PCGF5: variants seen among roughly 807,000 people sequenced by gnomAD.
PCGF5 encodes polycomb group RING finger protein 5.
A neutral mutation model predicts 44.3 loss-of-function variants in PCGF5; 9 were observed. That is an observed-to-expected ratio of 0.20 (90% CI 0.12 to 0.35). The LOEUF is 0.35. PCGF5 is among the 10% of genes least tolerant of loss of function. The pLI is 1.00. For synonymous variants in PCGF5, 95 were observed against 102.5 expected (o/e 0.93, Z 0.44); for missense variants, 146 against 305.3 (o/e 0.48, Z 3.89).
chr10:91,158,649 G>A (rs374324937), upstream of PCGF5, among the ~76,000 whole-genome samples: 2 of 152,194 alleles, frequency 1.3e-5, no homozygotes, highest in East Asian at 1.9e-4. Flanking sequence ...TGGGACCAGC[G>A]ACTAGGTAAA....
chr10:91,200,300 C>T (rs1350197521), intron 1 of PCGF5, among the ~76,000 whole-genome samples: 1 of 152,218 alleles, frequency 6.6e-6, no homozygotes, highest in Non-Finnish European at 1.5e-5. Flanking sequence ...AACCAGAACT[C>T]TGGTATCCTG....
chr10:91,271,012 T>G (rs558707278), intron 8 of PCGF5, among the ~76,000 whole-genome samples: 1 of 151,082 alleles, frequency 6.6e-6, no homozygotes, highest in Admixed American at 6.6e-5. Context: ...CACTCATTGC[T>G]TTACTCATAA....
Position 91,248,515 on chromosome 10 carries a change from A to G in PCGF5, c.220A>G (p.Thr74Ala). Residue 74 changes from threonine (T) to alanine (A), a missense_variant, in exon 4 of 10, where the codon ACA becomes GCA. Transcript: ENST00000336126. The stretch of plus-strand genomic sequence containing the variant: ...TCCCCCCTTTCGAAGGTTGGACAAT[A>G]CATTAGAGGAAATTATATTTAAGCT... ...NPLEMLRLDN[T>A]LEEIIFKLVP... The G allele has an allele frequency of 6.2e-7, 1 of 1,612,784 alleles. No individual in the cohort carries two copies. Among genetic ancestry groups the G allele is most frequent in the Non-Finnish European group, 8.5e-7 (1 of 1,179,032 alleles).
intron 2 of PCGF5, among the ~76,000 whole-genome samples, chr10:91,232,274 G>C (rs1206123228): frequency 6.6e-6 from 1 of 152,148 alleles, no homozygotes; most frequent in East Asian, 1.9e-4. Context: ...AGGAGCAAAA[G>C]TCTGGATAAT....
At chr10:91,233,054 G>A (rs1398573909) in intron 2 of PCGF5, among the ~76,000 whole-genome samples, 3 of 152,166 alleles carry the variant, frequency 2.0e-5, no homozygotes, top group African/African-American at 7.2e-5. Context: ...GTTTAGTTGA[G>A]CAAGTATGAC....
intron 1 of PCGF5, among the ~76,000 whole-genome samples, chr10:91,165,284 A>G (rs7918759): frequency 0.024 from 3,626 of 152,346 alleles, 139 homozygotes; most frequent in African/African-American, 0.083. Flanking sequence ...GTATGTTACT[A>G]TGTAACTTCT....
At chr10:91,226,444 A>G (rs1844843141) in intron 2 of PCGF5, among the ~76,000 whole-genome samples, 3 of 152,324 alleles carry the variant, frequency 2.0e-5, no homozygotes, top group South Asian at 2.1e-4. Flanking sequence ...ACCATATGCC[A>G]TCTCAGGCAG....
intron 2 of PCGF5, among the ~76,000 whole-genome samples, chr10:91,228,562 T>C (rs1028240066): frequency 6.6e-6 from 1 of 152,178 alleles, no homozygotes; most frequent in Non-Finnish European, 1.5e-5. Context: ...ATTGATAATA[T>C]AGTTGACGTG....
chr10:91,271,719 A>G, intron 9 of PCGF5, 22 bp downstream of exon 9: 1 of 1,595,150 alleles, frequency 6.3e-7, no homozygotes, highest in Non-Finnish European at 8.6e-7. Context: ...TCACGACTGT[A>G]CATATGACCA....
rs535215792 is a variant in PCGF5, at chr10:91,198,743, G to A, written c.-183-23946G>A. 3.3e-5 allele frequency among the ~76,000 whole-genome samples: 5 copies of A among 152,310 alleles called. No homozygotes were observed. In the East Asian group the frequency reaches 9.7e-4, roughly 29 times the overall value. On this transcript the variant is annotated intron_variant, in intron 1 of 9. Transcript: ENST00000614189. Reference sequence around the variant, plus strand: ...TGAGTTTAATTAGCAGCAATTGCCAGGATGACGTTTTGGCCTTGTCATACC... The same window carrying A: ...TGAGTTTAATTAGCAGCAATTGCCAAGATGACGTTTTGGCCTTGTCATACC...
chr10:91,163,120 C>A (rs1395556631), intron 1 of PCGF5: 2 of 149,856 alleles, frequency 1.3e-5, no homozygotes, highest in African/African-American at 4.9e-5. Flanking sequence ...GCTTCCCCGC[C>A]CGACGCGGCC....
At chr10:91,248,584 C>T in intron 4 of PCGF5, 24 bp downstream of exon 4, 1 of 1,609,172 alleles carries the variant, frequency 6.2e-7, no homozygotes, top group East Asian at 2.2e-5. Flanking sequence ...TAGGTTCTTG[C>T]AGACTTTTGT....
At chr10:91,206,867 T>C (rs1844356144) in intron 1 of PCGF5, among the ~76,000 whole-genome samples, 1 of 152,208 alleles carries the variant, frequency 6.6e-6, no homozygotes, top group African/African-American at 2.4e-5. Context: ...GTGCTAAATG[T>C]CACCTAACTA....
In PCGF5 at chr10:91,195,940, C is replaced by G. The variant is rs56896057; in HGVS notation, c.-183-26749C>G. ...TCAACTTGGTCACTATTGTGGGCAACTGGGACCTGTTCCCACAGGACACCC... is the reference window on the plus strand; with the variant it reads ...TCAACTTGGTCACTATTGTGGGCAAGTGGGACCTGTTCCCACAGGACACCC... On this transcript the variant is annotated intron_variant, in intron 1 of 9. Coordinates refer to the PCGF5 transcript ENST00000614189. Among the ~76,000 whole-genome samples the G allele has an allele frequency of 1.1e-3, 169 of 151,054 alleles. 2 individuals are homozygous for G. Among genetic ancestry groups the G allele is most frequent in the African/African-American group, 4.0e-3 (163 of 41,018 alleles).
intron 1 of PCGF5, among the ~76,000 whole-genome samples, chr10:91,179,947 C>A (rs4300317): frequency 6.6e-6 from 1 of 151,962 alleles, no homozygotes; most frequent in Non-Finnish European, 1.5e-5. Context: ...GGTGGCTGAA[C>A]TAATTTACAC....
intron 1 of PCGF5, among the ~76,000 whole-genome samples, chr10:91,213,234 A>C (rs1844484189): frequency 6.6e-6 from 1 of 152,220 alleles, no homozygotes. Context: ...TAGAAAATGT[A>C]AGAGAGATGA....
At chr10:91,236,774 A>C (rs1845177120) in intron 2 of PCGF5, among the ~76,000 whole-genome samples, 1 of 152,234 alleles carries the variant, frequency 6.6e-6, no homozygotes, top group Non-Finnish European at 1.5e-5. Flanking sequence ...CCGAGCTTCA[A>C]GCCTGGATTT....
intron 1 of PCGF5, among the ~76,000 whole-genome samples, chr10:91,178,332 C>A (rs1843750502): frequency 6.6e-6 from 1 of 151,800 alleles, no homozygotes; most frequent in South Asian, 2.1e-4. Flanking sequence ...AGTAGTTTGC[C>A]TTTGGGAGTG....
At chr10:91,203,973 A>G (rs947343856) in intron 1 of PCGF5, among the ~76,000 whole-genome samples, 3 of 152,196 alleles carry the variant, frequency 2.0e-5, no homozygotes, top group Non-Finnish European at 4.4e-5. Context: ...AGTTTTCATA[A>G]GTGATTGTAC....
Sources: gnomAD v4.1 joint callset for allele counts (sites outside exome capture counted in the v4.1 genomes callset) on GRCh38, gnomAD v4.1.1 for gene constraint, MANE v1.5 for transcripts, NCBI Gene and HGNC (gene_info 2026-07-23, HGNC 2026-07-21) for gene names.